LVRN: variants seen among roughly 807,000 people sequenced by gnomAD.
LVRN encodes the protein aminopeptidase Q.
LVRN carries 99 observed loss-of-function variants against 111.4 expected under a neutral mutation model. The observed-to-expected ratio is 0.89, with a 90% CI of 0.76 to 1.05. The LOEUF (loss-of-function observed/expected upper bound fraction) is 1.05. Ranked by LOEUF, LVRN falls within the 50% of genes least tolerant of loss-of-function variation. The probability of loss-of-function intolerance (pLI) is 0.00; values close to 1 mark genes in which losing one functional copy is unlikely to be tolerated. For missense variants in LVRN, 1,414 were observed against 1,206.8 expected (o/e 1.17, Z -2.54); for synonymous variants, 488 against 449.5 (o/e 1.09, Z -1.08).
At chr5:116,017,122 T>G in intron 18 of LVRN, among the ~76,000 whole-genome samples, 1 of 152,156 alleles carries the variant, frequency 6.6e-6, no homozygotes, top group Admixed American at 6.5e-5. Context: ...CAAGCACAGT[T>G]GCAAATCTCC....
intron 1 of LVRN, among the ~76,000 whole-genome samples, chr5:115,966,587 ATCC>A (rs1192943578): frequency 6.6e-6 from 1 of 152,162 alleles, no homozygotes; most frequent in Non-Finnish European, 1.5e-5. Flanking sequence ...GCCCCAAGGG[ATCC>A]TCCTACCTTT....
At chr5:115,972,241 G>A (rs1240259338) in intron 1 of LVRN, among the ~76,000 whole-genome samples, 4 of 151,956 alleles carry the variant, frequency 2.6e-5, no homozygotes, top group African/African-American at 9.7e-5. Context: ...ACAAAGACAA[G>A]CCACAACTGA....
chr5:115,985,434 G>A lies in LVRN; in HGVS notation c.978+725G>A, dbSNP rs190107781. Among the ~76,000 whole-genome samples the A allele has an allele frequency of 5.3e-4, 81 of 152,180 alleles. 1 individual carries two copies. Among genetic ancestry groups the A allele is most frequent in the African/African-American group, 1.9e-3 (78 of 41,538 alleles). Reference sequence around the variant, plus strand: ...CTTGGGGGAAAAGCATACGTGCCCCGGAAGGAATTTGTAGTTGGCCACATC... The same window carrying A: ...CTTGGGGGAAAAGCATACGTGCCCCAGAAGGAATTTGTAGTTGGCCACATC... On this transcript the variant is annotated intron_variant, in intron 3 of 19. Coordinates refer to ENST00000357872, the MANE Select transcript of LVRN (RefSeq NM_173800.5).
intron 19 of LVRN, among the ~76,000 whole-genome samples, chr5:116,022,776 C>G (rs1266045116): frequency 6.6e-6 from 1 of 152,162 alleles, no homozygotes; most frequent in Admixed American, 6.5e-5. Context: ...TTGCCCTGTT[C>G]CAGAGCTTCA....
At chr5:116,011,887 G>A (rs980374992) in intron 14 of LVRN, among the ~76,000 whole-genome samples, 1 of 152,080 alleles carries the variant, frequency 6.6e-6, no homozygotes, top group Admixed American at 6.6e-5. Context: ...CCAGCTAATA[G>A]CTTATATTTA....
Position 115,992,326 on chromosome 5 carries a change from T to C in LVRN, c.1260+49T>C, listed in dbSNP as rs187809576. 29 of 1,604,546 alleles carry C rather than the reference T, an allele frequency of 1.8e-5. No individual in the cohort carries two copies. The African/African-American group carries it at 3.8e-4, about 21-fold the overall frequency. On this transcript the variant is annotated intron_variant, in intron 5 of 19. Coordinates refer to ENST00000357872, the MANE Select transcript of LVRN (RefSeq NM_173800.5). ...ATTTCACTTGAAGTTATTCTCCAGG[T>C]GCGCTACCAAAATAGCATAAAAACC...
intron 6 of LVRN, among the ~76,000 whole-genome samples, chr5:115,999,033 A>T (rs1748179899): frequency 6.6e-6 from 1 of 152,184 alleles, no homozygotes; most frequent in Non-Finnish European, 1.5e-5. Flanking sequence ...CCCGTGGATC[A>T]TGAGGGGTTC....
intron 4 of LVRN, among the ~76,000 whole-genome samples, chr5:115,989,711 G>T (rs1407239348): frequency 2.0e-5 from 3 of 152,040 alleles, no homozygotes; most frequent in Non-Finnish European, 4.4e-5. Context: ...TGGACATCAG[G>T]GATACATTTG....
intron 1 of LVRN, chr5:115,974,892 C>A: frequency 2.2e-6 from 1 of 451,728 alleles, no homozygotes; most frequent in Admixed American, 2.4e-5. Context: ...TGTTCTGTAT[C>A]ACCATGCAGA....
At chr5:115,989,021 C>G (rs1196389465) in intron 4 of LVRN, among the ~76,000 whole-genome samples, 1 of 152,168 alleles carries the variant, frequency 6.6e-6, no homozygotes, top group Non-Finnish European at 1.5e-5. Context: ...TCCATCCACT[C>G]ACTTCTTACT....
rs564274926 is a variant in LVRN at position 115,982,666 on chromosome 5, GT to G, written c.696-620del. 1.3e-3 allele frequency among the ~76,000 whole-genome samples: 198 copies of G among 152,278 alleles called. 1 individual carries two copies. Among genetic ancestry groups the G allele is most frequent in the African/African-American group, 4.7e-3 (194 of 41,566 alleles). ...GCTTTTCCCTGTAAGTCACCAGTGT[GT>G]GGTGGGATAATGTCACTCTTTGTAT... On this transcript the variant is annotated intron_variant, in intron 1 of 19. Transcript: ENST00000357872.
At chr5:115,970,716 T>C (rs957530206) in intron 1 of LVRN, among the ~76,000 whole-genome samples, 15 of 152,230 alleles carry the variant, frequency 9.9e-5, no homozygotes, top group African/African-American at 3.4e-4. Flanking sequence ...TATCAGTTAT[T>C]TTGTATTACT....
intron 3 of LVRN, among the ~76,000 whole-genome samples, chr5:115,987,064 A>C (rs954708061): frequency 1.3e-5 from 2 of 152,144 alleles, no homozygotes; most frequent in African/African-American, 4.8e-5. Flanking sequence ...CAATACTTTC[A>C]ATTTATAGTA....
At chr5:115,981,167 A>G (rs1561556582) in intron 1 of LVRN, among the ~76,000 whole-genome samples, 1 of 152,194 alleles carries the variant, frequency 6.6e-6, no homozygotes, top group Non-Finnish European at 1.5e-5. Flanking sequence ...AACCAAAACC[A>G]TAAAACAAAT....
intron 10 of LVRN, 40 bp from the exon 11 acceptor site, chr5:116,002,795 G>A (rs762183791): frequency 6.4e-6 from 9 of 1,408,900 alleles, no homozygotes; most frequent in Non-Finnish European, 8.9e-6. Flanking sequence ...ATGTTTTTAT[G>A]TGTGAAAAGT....
intron 1 of LVRN, among the ~76,000 whole-genome samples, chr5:115,963,815 A>G (rs1032203306): frequency 4.6e-5 from 7 of 152,110 alleles, no homozygotes; most frequent in African/African-American, 1.7e-4. Flanking sequence ...CCAGTTTTCA[A>G]CCCTGTATCT....
At chr5:115,975,217 A>G in intron 1 of LVRN, 1 of 485,840 alleles carries the variant, frequency 2.1e-6, no homozygotes, top group Non-Finnish European at 4.1e-6. Flanking sequence ...CAAAATCTTC[A>G]TTATCTTGGG....
chr5:115,988,068 C>T lies in LVRN; in HGVS notation c.1105+129C>T, dbSNP rs1747909299. 4 of 1,278,736 alleles carry T rather than the reference C, an allele frequency of 3.1e-6. No individual in the cohort carries two copies. The South Asian group carries it at 4.4e-5, about 14-fold the overall frequency. The allele number at this position is 1,278,736 out of a possible 1,614,324, so 79.2% of individuals were successfully genotyped here. ...ATTTAGCTGCTGGTTTGGAGTTAGCCTCCTGACCTATGCCTTATACCTTCT... is the reference window on the plus strand; with the variant it reads ...ATTTAGCTGCTGGTTTGGAGTTAGCTTCCTGACCTATGCCTTATACCTTCT... On this transcript the variant is annotated intron_variant, in intron 4 of 19. Coordinates refer to ENST00000357872, the MANE Select transcript of LVRN (RefSeq NM_173800.5).
At chr5:116,025,901 T>TA in intron 19 of LVRN, 77 bp from the exon 20 acceptor site, 3 of 1,562,994 alleles carry the variant, frequency 1.9e-6, no homozygotes, top group Non-Finnish European at 2.6e-6. Flanking sequence ...CTCATGTTGC[T>TA]ACTTAGCATT....
Sources: gnomAD v4.1 joint callset for allele counts (sites outside exome capture counted in the v4.1 genomes callset) on GRCh38, gnomAD v4.1.1 for gene constraint, MANE v1.5 for transcripts, NCBI Gene and HGNC (gene_info 2026-07-23, HGNC 2026-07-21) for gene names.